Variants in ATP2B2 observed in about 807,000 individuals in gnomAD.
ATP2B2 encodes plasma membrane calcium-transporting ATPase 2.
Under a neutral mutation model 120.0 loss-of-function variants are expected in ATP2B2, and 15 were observed. The observed-to-expected ratio is 0.12, with a 90% CI of 0.08 to 0.19. The LOEUF is 0.19. Among genes scored for constraint, ATP2B2 ranks in the 10% least tolerant of loss-of-function variants. The pLI is 1.00. For synonymous variants in ATP2B2, 694 were observed against 700.3 expected (o/e 0.99, Z 0.14); for missense variants, 1,045 against 1,719.8 (o/e 0.61, Z 6.94).
At position 10,606,912 on chromosome 3, in the gene ATP2B2, CAGAGAG is replaced by C. The variant is rs1185602877; in HGVS notation, c.-415+12999_-415+13004del. The stretch of plus-strand genomic sequence containing the variant: ...ACACACACACACACACACACACACA[CAGAGAG>C]AGAGAGAGAGAGAGAGAGAGGGAGA... On this transcript the variant is annotated intron_variant, in intron 2 of 21. Coordinates refer to the ATP2B2 transcript ENST00000646379. 5.2e-3 allele frequency among the ~76,000 whole-genome samples: 326 copies of C among 62,496 alleles called. 1 individual carries two copies. The highest frequency in any genetic ancestry group is 0.02 in the South Asian group (41 of 2,068). 41.0% of individuals were successfully genotyped at this position (62,496 alleles called of 152,430 possible).
intron 2 of ATP2B2, among the ~76,000 whole-genome samples, chr3:10,440,035 G>A (rs1337536720): frequency 1.3e-5 from 2 of 149,354 alleles, no homozygotes; most frequent in Admixed American, 6.7e-5. Flanking sequence ...CCAGGAGGTC[G>A]AGGCTGCAGT....
chr3:10,680,255 A>G (rs927844343), intron 1 of ATP2B2, among the ~76,000 whole-genome samples: 1 of 152,090 alleles, frequency 6.6e-6, no homozygotes, highest in Admixed American at 6.5e-5. Context: ...TGCCATTTGT[A>G]AAGTGGGAGG....
intron 1 of ATP2B2, among the ~76,000 whole-genome samples, chr3:10,625,528 G>A (rs755796690): frequency 6.6e-6 from 1 of 152,192 alleles, no homozygotes; most frequent in Non-Finnish European, 1.5e-5. Flanking sequence ...GATACTCCCC[G>A]GTTTGAGTTA....
chr3:10,571,366 C>A (rs552228459), intron 2 of ATP2B2, among the ~76,000 whole-genome samples: 8 of 152,222 alleles, frequency 5.3e-5, no homozygotes, highest in Non-Finnish European at 1.0e-4. Flanking sequence ...CGTGGCCTCA[C>A]GCCCCATGGG....
chr3:10,694,588 C>T (rs557080068), intron 1 of ATP2B2, among the ~76,000 whole-genome samples: 2 of 152,234 alleles, frequency 1.3e-5, no homozygotes, highest in East Asian at 1.9e-4. Flanking sequence ...GCTGAATTGC[C>T]CTCAATGGGC....
rs781298969 is a variant in ATP2B2, at chr3:10,410,866, C to T, written c.200-51G>A. The stretch of plus-strand genomic sequence containing the variant: ...GCTGGGGGCCTGGGAGAGATGCAGG[C>T]ATGTTCTGGGAATCTAGGGGCAGAA... On this transcript the variant is annotated intron_variant, in intron 2 of 22. Coordinates refer to ENST00000360273, the MANE Select transcript of ATP2B2 (RefSeq NM_001001331.4). The T allele has an allele frequency of 3.8e-6, 6 of 1,591,850 alleles. No homozygotes were observed. In the Admixed American group the frequency reaches 8.3e-5, roughly 22 times the overall value.
At chr3:10,502,766 C>T (rs563972207) in intron 1 of ATP2B2, among the ~76,000 whole-genome samples, 282 of 152,358 alleles carry the variant, frequency 1.9e-3, no homozygotes, top group African/African-American at 6.5e-3. Context: ...CACTCTTTCT[C>T]GGAATCTTGC....
At chr3:10,467,898 C>T (rs947149230) in intron 1 of ATP2B2, among the ~76,000 whole-genome samples, 3 of 152,168 alleles carry the variant, frequency 2.0e-5, no homozygotes, top group Non-Finnish European at 4.4e-5. Flanking sequence ...TCCCGCTCTC[C>T]CCTGATCCCA....
chr3:10,448,248 G>T (rs1575256183), intron 2 of ATP2B2, among the ~76,000 whole-genome samples: 1 of 152,192 alleles, frequency 6.6e-6, no homozygotes, highest in South Asian at 2.1e-4. Context: ...AATAATCATG[G>T]CTGCCACTTT....
At position 10,346,121 on chromosome 3, in the gene ATP2B2, T is replaced by C. The variant is rs755248946; in HGVS notation, c.2421A>G (p.Thr807=). 1.9e-6 allele frequency: 3 copies of C among 1,611,264 alleles called. No individual in the cohort carries two copies. The highest frequency in any genetic ancestry group is 2.7e-5 in the African/African-American group (2 of 74,944). ...CCACCACCTGCCGCTGCTCAGTGTGTGTGCTGTCGATGATGCCTGTTGGGG... is the reference window on the plus strand; with the variant it reads ...CCACCACCTGCCGCTGCTCAGTGTGCGTGCTGTCGATGATGCCTGTTGGGG... ...HTLVKGIIDS[T]HTEQRQVVAV... is the part of the protein sequence containing the mutation. Residue 807 remains threonine, a synonymous_variant, in exon 17 of 23, where the codon ACA becomes ACG. Transcript: ENST00000360273. This position sits in a 1 kb window ranked among gnomAD's most constrained non-coding sequence, Gnocchi z 4.1.
intron 2 of ATP2B2, among the ~76,000 whole-genome samples, chr3:10,444,314 A>G (rs1021968588): frequency 2.6e-5 from 4 of 152,196 alleles, no homozygotes; most frequent in African/African-American, 9.7e-5. Context: ...GGTTGACAGA[A>G]CACAGAGGGA....
Position 10,449,611 on chromosome 3 carries a change from G to A in ATP2B2, c.-68C>T. Reference sequence around the variant, plus strand: ...CTGGACAAGAGGCTGCCGGGTGATGGCTGCTTGTGGCTGTCCTCAGCACAC... The same window carrying A: ...CTGGACAAGAGGCTGCCGGGTGATGACTGCTTGTGGCTGTCCTCAGCACAC... On this transcript the variant is annotated 5_prime_UTR_variant, in exon 2 of 23. Coordinates refer to ENST00000360273, the MANE Select transcript of ATP2B2 (RefSeq NM_001001331.4). The A allele has an allele frequency of 6.4e-7, 1 of 1,571,754 alleles. No homozygotes were observed.
chr3:10,344,128 C>T (rs1006011921), intron 18 of ATP2B2, among the ~76,000 whole-genome samples: 11 of 152,146 alleles, frequency 7.2e-5, no homozygotes, highest in African/African-American at 1.4e-4. Flanking sequence ...CTCCCCACCC[C>T]GGGCTTTCTC....
chr3:10,536,059 T>C (rs955798012), intron 2 of ATP2B2, among the ~76,000 whole-genome samples: 1 of 152,224 alleles, frequency 6.6e-6, no homozygotes, highest in Non-Finnish European at 1.5e-5. Flanking sequence ...TTTTCTATTT[T>C]AGCCATTCTG....
At chr3:10,484,218 A>T (rs988992327) in intron 1 of ATP2B2, among the ~76,000 whole-genome samples, 2 of 152,108 alleles carry the variant, frequency 1.3e-5, no homozygotes, top group African/African-American at 4.8e-5. Flanking sequence ...GAAACTCTGG[A>T]GGCATCTCCA....
chr3:10,468,378 G>A (rs1412052304), intron 1 of ATP2B2, among the ~76,000 whole-genome samples: 3 of 152,214 alleles, frequency 2.0e-5, no homozygotes, highest in Non-Finnish European at 4.4e-5. Flanking sequence ...AGAAGTCAAG[G>A]ATGAAATTTT....
intron 2 of ATP2B2, among the ~76,000 whole-genome samples, chr3:10,560,460 C>A (rs1214337709): frequency 9.3e-6 from 1 of 107,432 alleles, no homozygotes; most frequent in Non-Finnish European, 2.0e-5. Flanking sequence ...AGCTGAAAAG[C>A]ACTTCAAATG....
intron 2 of ATP2B2, among the ~76,000 whole-genome samples, chr3:10,606,230 C>A (rs542891716): frequency 6.6e-6 from 1 of 152,144 alleles, no homozygotes; most frequent in African/African-American, 2.4e-5. Context: ...ATGAGACCCC[C>A]GGTGAGATAA....
intron 2 of ATP2B2, among the ~76,000 whole-genome samples, chr3:10,555,074 G>T (rs867304077): frequency 6.6e-6 from 1 of 152,174 alleles, no homozygotes; most frequent in Non-Finnish European, 1.5e-5. Context: ...CCTCCTTTTC[G>T]CCCCTGCCAA....
Sources: allele counts gnomAD v4.1 joint callset (sites outside exome capture counted in the v4.1 genomes callset), GRCh38; gene constraint gnomAD v4.1.1; non-coding constraint Gnocchi (gnomAD v3.1); transcripts MANE v1.5; gene names NCBI Gene and HGNC (gene_info 2026-07-23, HGNC 2026-07-21).